The following SLC16A2 variants were observed in gnomAD, a reference collection of about 807,000 sequenced individuals.
The protein encoded by SLC16A2 is monocarboxylate transporter 8.
SLC16A2 carries 3 observed loss-of-function variants against 27.2 expected under a neutral mutation model. The ratio of observed to expected loss-of-function variants is 0.11; its 90% CI spans 0.05 to 0.28. The LOEUF is 0.28. SLC16A2 is among the 10% of genes least tolerant of loss of function. SLC16A2 has a pLI of 1.00. For synonymous variants in SLC16A2, 202 were observed against 187.8 expected, an observed-to-expected ratio of 1.08 and a Z score of -0.62; for missense variants, 295 against 458.5, an observed-to-expected ratio of 0.64 and a Z score of 3.26.
chrX:74,427,836 CACA>C (rs1377739760), intron 1 of SLC16A2, among the ~76,000 whole-genome samples: 1 of 110,099 alleles, frequency 9.1e-6, no homozygotes, highest in Non-Finnish European at 1.9e-5. Context: ...CACACACACA[CACA>C]CACCCATACC....
intron 1 of SLC16A2, among the ~76,000 whole-genome samples, chrX:74,444,432 G>T (rs749968522): frequency 1.8e-5 from 2 of 110,103 alleles, no homozygotes; most frequent in Non-Finnish European, 3.8e-5. Flanking sequence ...ACCATATTCT[G>T]CCCCTGACTC....
chrX:74,486,425 G>C (rs1265327475), intron 1 of SLC16A2, among the ~76,000 whole-genome samples: 1 of 112,107 alleles, frequency 8.9e-6, no homozygotes, highest in Non-Finnish European at 1.9e-5. Context: ...CTCTTGATTT[G>C]GACAATCTGA....
intron 1 of SLC16A2, among the ~76,000 whole-genome samples, chrX:74,449,686 G>T (rs1308878604): frequency 9.0e-6 from 1 of 111,437 alleles, no homozygotes; most frequent in African/African-American, 3.3e-5. Context: ...TGCAGCATCT[G>T]TGCGACTTCT....
chrX:74,531,180 C>T (rs1047596449), intron 5 of SLC16A2, among the ~76,000 whole-genome samples, 153 bp from the exon 6 acceptor site: 2 of 112,712 alleles, frequency 1.8e-5, no homozygotes, highest in East Asian at 5.6e-4. Flanking sequence ...GGCCTGCAGC[C>T]CCAATGCCTT....
At chrX:74,490,856 T>C (rs1274698531) in intron 1 of SLC16A2, among the ~76,000 whole-genome samples, 1 of 112,073 alleles carries the variant, frequency 8.9e-6, no homozygotes, top group East Asian at 2.8e-4. Flanking sequence ...AAAATGCACG[T>C]CTGAACTAGA....
chrX:74,425,007 C>T (rs184238280), intron 1 of SLC16A2, among the ~76,000 whole-genome samples: 1 of 111,915 alleles, frequency 8.9e-6, no homozygotes, highest in African/African-American at 3.3e-5. Context: ...TACAGGCATG[C>T]GCCACCACAC....
chrX:74,527,716 A>C (rs1284746503), intron 4 of SLC16A2, among the ~76,000 whole-genome samples: 2 of 112,600 alleles, frequency 1.8e-5, no homozygotes, highest in Non-Finnish European at 3.8e-5. Flanking sequence ...AAATTTCTGA[A>C]CCTTGGCAAA....
intron 1 of SLC16A2, among the ~76,000 whole-genome samples, chrX:74,502,127 T>A (rs1470323937): frequency 9.0e-6 from 1 of 111,709 alleles, no homozygotes; most frequent in Non-Finnish European, 1.9e-5. Context: ...ACTAACAGAT[T>A]TGTGACTTTG....
intron 1 of SLC16A2, among the ~76,000 whole-genome samples, chrX:74,424,832 G>T (rs1928375914): frequency 1.8e-5 from 2 of 111,367 alleles, no homozygotes; most frequent in Admixed American, 1.9e-4. Context: ...TGGGATTGTT[G>T]TGAGGAAGCC....
chrX:74,462,847 A>G (rs1235097680), intron 1 of SLC16A2, among the ~76,000 whole-genome samples: 5 of 111,735 alleles, frequency 4.5e-5, no homozygotes, highest in Non-Finnish European at 7.5e-5. Flanking sequence ...GCAAAATCCC[A>G]TAAAAATAGA....
chrX:74,447,908 C>T (rs959589559), intron 1 of SLC16A2, among the ~76,000 whole-genome samples: 1 of 110,791 alleles, frequency 9.0e-6, no homozygotes, highest in Non-Finnish European at 1.9e-5. Flanking sequence ...ATCACTTGAA[C>T]CTGGGAGGCG....
chrX:74,495,514 A>G (rs1228373273), intron 1 of SLC16A2, among the ~76,000 whole-genome samples: 83 of 109,223 alleles, frequency 7.6e-4, no homozygotes, highest in African/African-American at 2.6e-3. Context: ...GGAGTAATGG[A>G]AACTGATCTG....
In SLC16A2 at chrX:74,488,272, T is replaced by C. The variant is rs1013628373; in HGVS notation, c.431-32718T>C. ...AGAATAAAAAAGCAGGTCCAAAATA[T>C]ATTTTTACCTGTTTTTTAAAAAATT... On this transcript the variant is annotated intron_variant, in intron 1 of 5. Coordinates refer to ENST00000587091, the MANE Select transcript of SLC16A2 (RefSeq NM_006517.5). 4.5e-5 allele frequency among the ~76,000 whole-genome samples: 5 copies of C among 111,548 alleles called. No individual in the cohort carries two copies. In the Admixed American group the frequency reaches 4.8e-4, roughly 11 times the overall value.
intron 1 of SLC16A2, among the ~76,000 whole-genome samples, chrX:74,484,884 G>A (rs924364931): frequency 8.9e-6 from 1 of 111,883 alleles, no homozygotes; most frequent in African/African-American, 3.2e-5. Context: ...CTCTAGGCCA[G>A]ATAGGAATGG....
chrX:74,505,497 G>A (rs1461238503), intron 1 of SLC16A2, among the ~76,000 whole-genome samples: 1 of 112,306 alleles, frequency 8.9e-6, no homozygotes, highest in Non-Finnish European at 1.9e-5. Flanking sequence ...ATTCAAGGGT[G>A]CTAGGGATTG....
rs1928563963 is a variant in SLC16A2 at position 74,433,212 on chromosome X, A to C, written c.430+11145A>C. On this transcript the variant is annotated intron_variant, in intron 1 of 5. Transcript: ENST00000587091. Reference sequence around the variant, plus strand: ...AATGGTGAAATCCCGTCTCTACCAAAAATATAAAAATTAGCTGGGCGCAGT... The same window carrying C: ...AATGGTGAAATCCCGTCTCTACCAACAATATAAAAATTAGCTGGGCGCAGT... 3.6e-5 allele frequency among the ~76,000 whole-genome samples: 4 copies of C among 110,476 alleles called. No individual in the cohort carries two copies. The South Asian group carries it at 1.6e-3, about 43-fold the overall frequency.
At chrX:74,463,976 C>G (rs937795344) in intron 1 of SLC16A2, among the ~76,000 whole-genome samples, 23 of 112,430 alleles carry the variant, frequency 2.0e-4, no homozygotes, top group African/African-American at 6.8e-4. Context: ...TACTGCTCTG[C>G]TTTCTGTAAC....
chrX:74,427,846 T>G (rs1928441850), intron 1 of SLC16A2, among the ~76,000 whole-genome samples: 1 of 104,446 alleles, frequency 9.6e-6, no homozygotes, highest in Admixed American at 1.0e-4. Context: ...CACACACCCA[T>G]ACCCTACACC....
chrX:74,503,645 A>G lies in SLC16A2; in HGVS notation c.431-17345A>G, dbSNP rs1353419746. 2.7e-5 allele frequency among the ~76,000 whole-genome samples: 3 copies of G among 112,057 alleles called. No homozygotes were observed. In the Admixed American group the frequency reaches 2.8e-4, roughly 11 times the overall value. On this transcript the variant is annotated intron_variant, in intron 1 of 5. Transcript: ENST00000587091. ...GGGAAATAACGTTAGATGGAGGGTCAGAAGACCCAAAGTTAGGCCTACTTC... is the reference window on the plus strand; with the variant it reads ...GGGAAATAACGTTAGATGGAGGGTCGGAAGACCCAAAGTTAGGCCTACTTC...
Sources: gnomAD v4.1 joint callset for allele counts (sites outside exome capture counted in the v4.1 genomes callset) on GRCh38, gnomAD v4.1.1 for gene constraint, MANE v1.5 for transcripts, NCBI Gene and HGNC (gene_info 2026-07-23, HGNC 2026-07-21) for gene names.